DDAH1: variants seen among roughly 807,000 people sequenced by gnomAD.
The protein encoded by DDAH1 is dimethylarginine dimethylaminohydrolase 1.
In DDAH1, 19 loss-of-function variants were observed where a neutral mutation model predicts 28.8. The observed-to-expected ratio is 0.66, with a 90% CI of 0.46 to 0.97. The LOEUF is 0.97. DDAH1 is among the 50% of genes least tolerant of loss of function. The pLI is 0.00. For missense variants in DDAH1, 326 were observed against 375.9 expected, an observed-to-expected ratio of 0.87 and a Z score of 1.10; for synonymous variants, 153 against 154.4, an observed-to-expected ratio of 0.99 and a Z score of 0.07.
intron 1 of DDAH1, among the ~76,000 whole-genome samples, chr1:85,555,242 T>C (rs1180332996): frequency 1.3e-5 from 2 of 152,214 alleles, no homozygotes; most frequent in Non-Finnish European, 1.5e-5. Flanking sequence ...CTTGAACATA[T>C]AGACTGGTTC....
At chr1:85,557,819 A>G (rs914308714) in intron 1 of DDAH1, among the ~76,000 whole-genome samples, 2 of 152,190 alleles carry the variant, frequency 1.3e-5, no homozygotes, top group Non-Finnish European at 2.9e-5. Context: ...AATAGTGGAA[A>G]GAGTATCTGA....
At chr1:85,330,527 A>C (rs1253236010) in intron 4 of DDAH1, among the ~76,000 whole-genome samples, 1 of 152,182 alleles carries the variant, frequency 6.6e-6, no homozygotes, top group African/African-American at 2.4e-5. Flanking sequence ...CAGAATGGAA[A>C]GGAGACACAC....
chr1:85,471,060 C>T (rs986090338), intron 2 of DDAH1, among the ~76,000 whole-genome samples: 3 of 151,364 alleles, frequency 2.0e-5, no homozygotes, highest in African/African-American at 7.3e-5. Flanking sequence ...TCATCACCTG[C>T]GATCCCATTT....
chr1:85,537,389 C>T (rs563576853), intron 1 of DDAH1, among the ~76,000 whole-genome samples: 162 of 150,330 alleles, frequency 1.1e-3, no homozygotes, highest in African/African-American at 3.8e-3. Context: ...CATGAATGAA[C>T]CTGAAGCACA....
At chr1:85,479,972 G>T (rs940017190) in intron 2 of DDAH1, among the ~76,000 whole-genome samples, 1 of 152,174 alleles carries the variant, frequency 6.6e-6, no homozygotes, top group Non-Finnish European at 1.5e-5. Flanking sequence ...TGAAGCAGAC[G>T]TTCAATTAAA....
intron 1 of DDAH1, among the ~76,000 whole-genome samples, chr1:85,534,589 C>A (rs2254557): frequency 0.96 from 145,491 of 152,052 alleles, 69,693 homozygotes; most frequent in Non-Finnish European, 0.98. Flanking sequence ...ATGTTCCTTC[C>A]ATTCAGCTAT....
intron 1 of DDAH1, among the ~76,000 whole-genome samples, chr1:85,524,311 A>T (rs565573314): frequency 1.6e-3 from 59 of 36,788 alleles, no homozygotes; most frequent in Admixed American, 0.012. Flanking sequence ...GAGGATGGAG[A>T]GATGCTCTCA....
chr1:85,395,391 G>T (rs1240356607), intron 1 of DDAH1, among the ~76,000 whole-genome samples: 1 of 152,214 alleles, frequency 6.6e-6, no homozygotes, highest in Non-Finnish European at 1.5e-5. Flanking sequence ...AAAACGAGGA[G>T]ATTGGGCGCA....
intron 1 of DDAH1, among the ~76,000 whole-genome samples, chr1:85,447,461 G>A (rs1654485821): frequency 2.6e-5 from 4 of 152,206 alleles, no homozygotes; most frequent in Admixed American, 2.6e-4. Flanking sequence ...GAAGCAAGTG[G>A]ACAGTGAGAA....
At chr1:85,327,035 C>A (rs980190167) in intron 4 of DDAH1, among the ~76,000 whole-genome samples, 1 of 152,206 alleles carries the variant, frequency 6.6e-6, no homozygotes, top group Admixed American at 6.5e-5. Context: ...CAATTTAGTT[C>A]TTCTTATGCA....
intron 1 of DDAH1, chr1:85,576,944 G>C (rs1659625792): frequency 6.6e-6 from 1 of 151,888 alleles, no homozygotes; most frequent in Non-Finnish European, 1.5e-5. Flanking sequence ...GCCAGGCCGG[G>C]TCGCAGGACA....
chr1:85,333,786 C>T (rs940745226), intron 4 of DDAH1, among the ~76,000 whole-genome samples: 1 of 152,042 alleles, frequency 6.6e-6, no homozygotes, highest in Non-Finnish European at 1.5e-5. Context: ...CCAATGTGAC[C>T]TATGGGCCAC....
At chr1:85,367,781 T>G (rs1650151365) in intron 1 of DDAH1, among the ~76,000 whole-genome samples, 1 of 152,148 alleles carries the variant, frequency 6.6e-6, no homozygotes, top group African/African-American at 2.4e-5. Context: ...TACCTGGAAC[T>G]GGTGAGAACA....
intron 1 of DDAH1, among the ~76,000 whole-genome samples, chr1:85,457,189 A>G (rs7520678): frequency 0.021 from 3,259 of 152,260 alleles, 117 homozygotes; most frequent in African/African-American, 0.074. Context: ...AGTTTTTCTC[A>G]ATTCTACATC....
intron 1 of DDAH1, among the ~76,000 whole-genome samples, chr1:85,378,020 T>A (rs1297722676): frequency 6.6e-6 from 1 of 152,212 alleles, no homozygotes; most frequent in Non-Finnish European, 1.5e-5. Context: ...TGGACTTCAT[T>A]CCTTATTTCA....
At chr1:85,524,746 A>G (rs1657806708) in intron 1 of DDAH1, among the ~76,000 whole-genome samples, 1 of 151,848 alleles carries the variant, frequency 6.6e-6, no homozygotes, top group Non-Finnish European at 1.5e-5. Flanking sequence ...TAATGTATTG[A>G]TAAAGCAAAG....
At chr1:85,527,229 C>T (rs1352164748) in intron 1 of DDAH1, among the ~76,000 whole-genome samples, 4 of 152,158 alleles carry the variant, frequency 2.6e-5, no homozygotes, top group Non-Finnish European at 5.9e-5. Flanking sequence ...CCTTGAAAAG[C>T]GAGTTTGATG....
chr1:85,465,160 G>A, upstream of DDAH1: 1 of 1,152,288 alleles, frequency 8.7e-7, no homozygotes, highest in South Asian at 4.2e-5. Flanking sequence ...CGCTGAATGT[G>A]GTGCAGAAGG....
chr1:85,333,397 A>G (rs535660977), intron 4 of DDAH1, among the ~76,000 whole-genome samples: 1 of 152,372 alleles, frequency 6.6e-6, no homozygotes, highest in African/African-American at 2.4e-5. Flanking sequence ...ACAGATATCA[A>G]TGAAAGGACA....
Sources: gnomAD v4.1 joint callset for allele counts (sites outside exome capture counted in the v4.1 genomes callset) on GRCh38, gnomAD v4.1.1 for gene constraint, MANE v1.5 for transcripts, NCBI Gene and HGNC (gene_info 2026-07-23, HGNC 2026-07-21) for gene names.